The following SGCD variants were observed in gnomAD, a reference collection of about 807,000 sequenced individuals.
SGCD encodes the protein sarcoglycan delta, also known as delta-sarcoglycan.
A neutral mutation model predicts 36.6 loss-of-function variants in SGCD; 18 were observed. The observed-to-expected ratio is 0.49, with a 90% CI of 0.34 to 0.73. The LOEUF is 0.73. Ranked by LOEUF, SGCD falls within the 30% of genes least tolerant of loss-of-function variation. The pLI is 0.01. For synonymous variants in SGCD, 133 were observed against 130.6 expected, an observed-to-expected ratio of 1.02 and a Z score of -0.12; for missense variants, 387 against 346.7, an observed-to-expected ratio of 1.12 and a Z score of -0.92.
intron 1 of SGCD, among the ~76,000 whole-genome samples, chr5:155,906,677 G>A (rs1022289382): frequency 9.2e-5 from 14 of 152,094 alleles, no homozygotes; most frequent in African/African-American, 1.9e-4. Flanking sequence ...CTTTGAAGAC[G>A]AGAGAGGTAA....
At chr5:156,537,148 T>A (rs1309087449) in intron 4 of SGCD, among the ~76,000 whole-genome samples, 1 of 152,156 alleles carries the variant, frequency 6.6e-6, no homozygotes, top group Non-Finnish European at 1.5e-5. Context: ...GTTTTCCCCA[T>A]TATTCTACTC....
intron 4 of SGCD, among the ~76,000 whole-genome samples, chr5:156,573,736 C>T (rs1451167522): frequency 6.6e-6 from 1 of 152,144 alleles, no homozygotes; most frequent in African/African-American, 2.4e-5. Flanking sequence ...CTCTATCACC[C>T]AGTCTGGAGT....
At chr5:155,925,407 A>C (rs966246055) in intron 1 of SGCD, among the ~76,000 whole-genome samples, 17 of 152,228 alleles carry the variant, frequency 1.1e-4, no homozygotes, top group African/African-American at 3.9e-4. Flanking sequence ...AGTGCCAGCC[A>C]AGGCCACATT....
chr5:156,047,319 A>C (rs1381032934), intron 1 of SGCD, among the ~76,000 whole-genome samples: 1 of 152,182 alleles, frequency 6.6e-6, no homozygotes, highest in African/African-American at 2.4e-5. Context: ...GCTATACCCA[A>C]CAACAGATTC....
intron 7 of SGCD, among the ~76,000 whole-genome samples, chr5:156,695,320 C>T (rs1489865394): frequency 1.3e-5 from 2 of 152,188 alleles, no homozygotes; most frequent in East Asian, 3.9e-4. Context: ...GAGTGGGCAT[C>T]ATCCAATCAA....
At chr5:156,077,011 A>C (rs1760804577) in intron 1 of SGCD, among the ~76,000 whole-genome samples, 1 of 152,204 alleles carries the variant, frequency 6.6e-6, no homozygotes, top group Non-Finnish European at 1.5e-5. Flanking sequence ...AAATATAATT[A>C]TTCATCCCAT....
At chr5:156,533,927 G>A (rs1432682) in intron 4 of SGCD, among the ~76,000 whole-genome samples, 71,993 of 151,878 alleles carry the variant, frequency 0.47, 17,358 homozygotes, top group African/African-American at 0.52. Context: ...CTGTCCCCAC[G>A]TAGACAATAA....
At chr5:156,491,832 C>T (rs1204437989) in intron 3 of SGCD, among the ~76,000 whole-genome samples, 1 of 152,010 alleles carries the variant, frequency 6.6e-6, no homozygotes, top group African/African-American at 2.4e-5. Context: ...TCAAGATTAC[C>T]CTGAGCTCTT....
intron 1 of SGCD, among the ~76,000 whole-genome samples, chr5:156,049,922 C>T (rs2127580860): frequency 6.8e-6 from 1 of 146,614 alleles, no homozygotes; most frequent in African/African-American, 2.5e-5. Flanking sequence ...GCTGAAATCT[C>T]ATGATAAAAC....
chr5:155,733,014 GTT>G, the SGCD span, among the ~76,000 whole-genome samples: 14,449 of 141,364 alleles, frequency 0.1, 816 homozygotes, highest in Middle Eastern at 0.21. Context: ...TGTTATACTC[GTT>G]TTTTTTTTTT....
At chr5:156,633,700 A>C (rs1433290851) in intron 6 of SGCD, among the ~76,000 whole-genome samples, 5 of 152,074 alleles carry the variant, frequency 3.3e-5, no homozygotes, top group Non-Finnish European at 7.4e-5. Flanking sequence ...TATTACCTAA[A>C]TCTGGCTCTG....
intron 3 of SGCD, among the ~76,000 whole-genome samples, chr5:156,447,835 G>C (rs1007365094): frequency 1.3e-5 from 2 of 152,102 alleles, no homozygotes; most frequent in Non-Finnish European, 2.9e-5. Flanking sequence ...ATCATTACCT[G>C]TTACTGAGTA....
chr5:156,164,592 T>C (rs529986488), intron 3 of SGCD, among the ~76,000 whole-genome samples: 3 of 152,364 alleles, frequency 2.0e-5, no homozygotes, highest in Non-Finnish European at 2.9e-5. Context: ...CTCCCATTTA[T>C]ATTCATTTGA....
At chr5:156,062,584 TC>T (rs1760243896) in intron 1 of SGCD, among the ~76,000 whole-genome samples, 1 of 75,698 alleles carries the variant, frequency 1.3e-5, no homozygotes, top group Non-Finnish European at 2.5e-5. Context: ...CCGCATCCTC[TC>T]CAGCACCTGT....
chr5:155,953,715 A>G (rs1214654769), intron 1 of SGCD, among the ~76,000 whole-genome samples: 1 of 152,116 alleles, frequency 6.6e-6, no homozygotes, highest in East Asian at 1.9e-4. Context: ...CTTAGTGAAA[A>G]CTTGTTTGCT....
intron 4 of SGCD, among the ~76,000 whole-genome samples, chr5:156,573,891 C>T (rs1017370338): frequency 6.6e-5 from 10 of 152,182 alleles, no homozygotes; most frequent in East Asian, 1.9e-4. Flanking sequence ...CAGGATCTCA[C>T]TATGTTGCCC....
At chr5:156,041,155 C>T (rs1204757579) in intron 1 of SGCD, among the ~76,000 whole-genome samples, 1 of 152,106 alleles carries the variant, frequency 6.6e-6, no homozygotes, top group Admixed American at 6.6e-5. Context: ...ACCCTTTTTC[C>T]CTCTGTAAGT....
intron 4 of SGCD, among the ~76,000 whole-genome samples, chr5:156,556,268 C>T (rs775867153): frequency 2.6e-5 from 4 of 152,002 alleles, no homozygotes; most frequent in East Asian, 1.9e-4. Flanking sequence ...TTAAATTGCC[C>T]GTGATTATTT....
intron 3 of SGCD, among the ~76,000 whole-genome samples, chr5:156,398,828 G>C (rs148222769): frequency 1.3e-5 from 2 of 152,218 alleles, no homozygotes; most frequent in Non-Finnish European, 2.9e-5. Flanking sequence ...CCATTAGCTT[G>C]GATCCTATAC....
Sources: allele counts gnomAD v4.1 joint callset (sites outside exome capture counted in the v4.1 genomes callset), GRCh38; gene constraint gnomAD v4.1.1; transcripts MANE v1.5; gene names NCBI Gene and HGNC (gene_info 2026-07-23, HGNC 2026-07-21).